The following DSC3 variants were observed in gnomAD, a reference collection of about 807,000 sequenced individuals.
The protein encoded by DSC3 is desmocollin 3, also known as desmocollin-3.
Under a neutral mutation model 89.5 loss-of-function variants are expected in DSC3, and 97 were observed. The observed-to-expected ratio is 1.08, with a 90% CI of 0.92 to 1.28. The LOEUF is 1.28. DSC3 is among the 50% of genes most tolerant of loss of function. The probability of loss-of-function intolerance (pLI) is 0.00; values close to 1 mark genes in which losing one functional copy is unlikely to be tolerated. For synonymous variants in DSC3, 436 were observed against 384.1 expected (o/e 1.14, Z -1.58); for missense variants, 1,199 against 1,085.3 (o/e 1.10, Z -1.47).
intron 14 of DSC3, among the ~76,000 whole-genome samples, chr18:30,997,958 T>C (rs1308429164): frequency 6.6e-6 from 1 of 151,924 alleles, no homozygotes; most frequent in Admixed American, 6.6e-5. Flanking sequence ...AAGATTAGGG[T>C]TGGGGGGAGT....
At chr18:31,005,361 C>T (rs112311380) in intron 12 of DSC3, among the ~76,000 whole-genome samples, 2,096 of 152,244 alleles carry the variant, frequency 0.014, 31 homozygotes, top group Non-Finnish European at 0.017. Flanking sequence ...CTCAACTCTG[C>T]CCCCTTCATA....
rs1221391971 is a variant in DSC3, at chr18:30,996,979, A to G, written c.2305T>C (p.Ser769Pro). The G allele has an allele frequency of 1.2e-6, 2 of 1,613,946 alleles. No individual in the cohort carries two copies. The highest frequency in any genetic ancestry group is 1.3e-5 in the African/African-American group (1 of 74,884). The change falls in exon 15 of 16, where the codon TCA (serine) becomes CCA (proline). Residue 769 changes from serine (S) to proline (P), a missense_variant. Ser to Pro is a moderately conservative substitution (Grantham distance 74). Transcript: ENST00000360428. ...TCCTGCCCTCCATTTTTCATTCCTG[A>G]TCCCATAGTACCACAAAAACCTTGG... ...SSQGFCGTMG[S>P]GMKNGGQETI...
intron 9 of DSC3, among the ~76,000 whole-genome samples, chr18:31,010,032 T>C (rs1985004057): frequency 6.6e-6 from 1 of 152,220 alleles, no homozygotes; most frequent in Admixed American, 6.5e-5. Flanking sequence ...TTCTTCAATT[T>C]CTCTTTCTGC....
At position 31,029,699 on chromosome 18, in the gene DSC3, C is replaced by G. The variant is rs1164255988; in HGVS notation, c.355-71G>C. 3 of 1,589,518 alleles carry G rather than the reference C, an allele frequency of 1.9e-6. No homozygotes were observed. In the African/African-American group the frequency reaches 4.0e-5, roughly 21 times the overall value. On this transcript the variant is annotated intron_variant, in intron 3 of 15. Transcript: ENST00000360428. ...AGTCTACTTTGTGTAAAATAGTGGA[C>G]AGCTCATAAACCTAATCCTTCTTTG...
chr18:31,005,581 G>A (rs563369075), intron 12 of DSC3, among the ~76,000 whole-genome samples: 3 of 152,264 alleles, frequency 2.0e-5, no homozygotes, highest in East Asian at 1.9e-4. Flanking sequence ...AAACTCTAAT[G>A]ACATGGATAT....
intron 3 of DSC3, among the ~76,000 whole-genome samples, chr18:31,030,032 G>A (rs1390433504): frequency 2.6e-5 from 4 of 152,172 alleles, no homozygotes; most frequent in African/African-American, 9.6e-5. Context: ...GAAAATGTAT[G>A]TCCTTCACTG....
chr18:31,011,406 T>C (rs1985051101), intron 9 of DSC3, among the ~76,000 whole-genome samples: 1 of 152,218 alleles, frequency 6.6e-6, no homozygotes, highest in Non-Finnish European at 1.5e-5. Context: ...GCTAAAAGTA[T>C]ACCAGAGCAA....
intron 6 of DSC3, 89 bp from the exon 7 acceptor site, chr18:31,022,591 G>T: frequency 1.4e-6 from 2 of 1,439,862 alleles, no homozygotes; most frequent in Non-Finnish European, 1.9e-6. Flanking sequence ...TGTTAACAGT[G>T]ATGATAGAAA....
In DSC3 at chr18:31,018,813, C is replaced by A. The variant is rs746365913; in HGVS notation, c.943-13G>T. 6.2e-7 allele frequency: 1 copy of A among 1,612,838 alleles called. No individual in the cohort carries two copies. The highest frequency in any genetic ancestry group is 8.5e-7 in the Non-Finnish European group (1 of 1,179,718). On this transcript the variant is annotated splice_polypyrimidine_tract_variant and intron_variant, in intron 7 of 15. Transcript: ENST00000360428. Reference sequence around the variant, plus strand: ...ACTTGTCTACAACCTGGAAACAAAGCAAATATTTAACTAGTCTTGAAAAAT... The same window carrying A: ...ACTTGTCTACAACCTGGAAACAAAGAAAATATTTAACTAGTCTTGAAAAAT...
rs1433380663 is a variant in DSC3, at chr18:31,033,872, G to A, written c.70-1596C>T. On this transcript the variant is annotated intron_variant, in intron 1 of 15. Transcript: ENST00000360428. ...AGAGTCTCGCTCTGTCGCCCAGTCT[G>A]GAGTGCAGTGGCACGATCTAGGCTC... Among the ~76,000 whole-genome samples, 5 of 152,254 alleles carry A rather than the reference G, an allele frequency of 3.3e-5. No individual in the cohort carries two copies. In the South Asian group the frequency reaches 6.2e-4, roughly 19 times the overall value.
At chr18:31,032,577 TGTGTGTGTGTGTGC>T (rs1176633538) in intron 1 of DSC3, among the ~76,000 whole-genome samples, 222 of 132,514 alleles carry the variant, frequency 1.7e-3, no homozygotes, top group African/African-American at 5.9e-3. Flanking sequence ...TGTGTGTGTG[TGTGTGTGTGTGTGC>T]GTGTGCGTGT....
At chr18:31,006,322 G>A (rs1003793753) in intron 12 of DSC3, among the ~76,000 whole-genome samples, 3 of 114,086 alleles carry the variant, frequency 2.6e-5, no homozygotes, top group Non-Finnish European at 5.4e-5. Flanking sequence ...ATTTTGAGAC[G>A]GAGTCTCCCT....
At position 31,022,417 on chromosome 18, in the gene DSC3, C is replaced by G. The variant is rs754374583; in HGVS notation, c.861G>C (p.Gln287His). ...AAAAGAGCCCAGGTGACCTTGGTGT[C>G]TGCTGCAAAATGCTGTATTTCAGGC... Reference protein sequence around the residue: ...HTRLKYSILQQTPRSPGLFSV... With the variant: ...HTRLKYSILQHTPRSPGLFSV... Residue 287 changes from glutamine to histidine, a missense_variant, in exon 7 of 16, where the codon CAG becomes CAC. Gln to His is a conservative substitution (Grantham distance 24). Coordinates refer to ENST00000360428, the MANE Select transcript of DSC3 (RefSeq NM_001941.5). 1 of 1,614,050 alleles carries G rather than the reference C, an allele frequency of 6.2e-7. No individual in the cohort carries two copies.
chr18:31,041,016 C>A (rs1986112814), intron 1 of DSC3, among the ~76,000 whole-genome samples: 6 of 151,792 alleles, frequency 4.0e-5, no homozygotes, highest in Admixed American at 3.3e-4. Context: ...AAAAAAAAAT[C>A]TTAAACGAGT....
chr18:31,007,888 C>G (rs1329347198), intron 11 of DSC3, 128 bp downstream of exon 11: 9 of 876,808 alleles, frequency 1.0e-5, no homozygotes, highest in Non-Finnish European at 1.6e-5. Context: ...TTAAGAGAGA[C>G]AGAAAGAGTC....
In DSC3 at chr18:31,010,479, T is replaced by C. The variant is rs1016402768; in HGVS notation, c.1264-1954A>G. ...TTGTCCCATTTTTCGAGGCTTAAGA[T>C]GGATATTGTTTTAGTAGCTTAAAAC... On this transcript the variant is annotated intron_variant, in intron 9 of 15. Transcript: ENST00000360428. Among the ~76,000 whole-genome samples, 8 of 152,338 alleles carry C rather than the reference T, an allele frequency of 5.3e-5. No individual in the cohort carries two copies. The East Asian group carries it at 1.5e-3, about 29-fold the overall frequency.
At chr18:30,998,027 G>T (rs1984534810) in intron 14 of DSC3, among the ~76,000 whole-genome samples, 2 of 152,188 alleles carry the variant, frequency 1.3e-5, no homozygotes, top group Admixed American at 6.5e-5. Flanking sequence ...TAAAAAAATA[G>T]ACTTTATTAT....
chr18:31,018,436 T>C (rs1451130718), intron 8 of DSC3, among the ~76,000 whole-genome samples, 180 bp from the exon 9 acceptor site: 1 of 152,110 alleles, frequency 6.6e-6, no homozygotes, highest in African/African-American at 2.4e-5. Flanking sequence ...AAAAGTTTCA[T>C]TACAAATGAA....
At chr18:31,008,240 T>A in intron 10 of DSC3, 29 bp downstream of exon 10, 1 of 1,612,786 alleles carries the variant, frequency 6.2e-7, no homozygotes, top group Non-Finnish European at 8.5e-7. Context: ...AAATACATTA[T>A]TAGTATGTGG....
Sources: allele counts gnomAD v4.1 joint callset (sites outside exome capture counted in the v4.1 genomes callset), GRCh38; gene constraint gnomAD v4.1.1; transcripts MANE v1.5; gene names NCBI Gene and HGNC (gene_info 2026-07-23, HGNC 2026-07-21).